Variants in DGKB observed in about 807,000 individuals in gnomAD.
DGKB encodes 90 kDa diacylglycerol kinase.
Under a neutral mutation model 114.3 loss-of-function variants are expected in DGKB, and 67 were observed. The observed-to-expected ratio is 0.59, with a 90% CI of 0.48 to 0.72. DGKB has a LOEUF of 0.72. Ranked by LOEUF, DGKB falls within the 30% of genes least tolerant of loss-of-function variation. The pLI is 0.00. For missense variants in DGKB, 907 were observed against 975.2 expected, an observed-to-expected ratio of 0.93 and a Z score of 0.93; for synonymous variants, 398 against 323.1, an observed-to-expected ratio of 1.23 and a Z score of -2.49.
chr7:14,376,057 C>A (rs1444174264), intron 21 of DGKB, among the ~76,000 whole-genome samples: 1 of 152,148 alleles, frequency 6.6e-6, no homozygotes, highest in Non-Finnish European at 1.5e-5. Flanking sequence ...AGGGTACATA[C>A]AGATAATCCA....
intron 23 of DGKB, among the ~76,000 whole-genome samples, chr7:14,182,057 T>C (rs1289816869): frequency 6.6e-6 from 1 of 152,166 alleles, no homozygotes; most frequent in African/African-American, 2.4e-5. Context: ...AAGCATTTCT[T>C]TCAAATATAA....
Position 14,580,930 on chromosome 7 carries a change from T to G in DGKB, c.1541A>C (p.His514Pro), listed in dbSNP as rs779596201. ...DCIEKANVGK[H>P]PPVAILPLGT... is the part of the protein sequence containing the mutation. ...AAGAGGCAGAATCGCAACTGGAGGATGCTTGCCTACATTGGCCTTTTCTGC... is the reference window on the plus strand; with the variant it reads ...AAGAGGCAGAATCGCAACTGGAGGAGGCTTGCCTACATTGGCCTTTTCTGC... The change falls in exon 19 of 26, where the codon CAT becomes CCT. Residue 514 changes from histidine to proline, a missense_variant. Around this residue, in one of 3 missense-constraint regions of DGKB, gnomAD observed 814 missense variants for 856.6 expected, o/e 0.95. Coordinates refer to ENST00000402815, the MANE Select transcript of DGKB (RefSeq NM_001350709.2). 2 of 1,603,602 alleles carry G rather than the reference T, an allele frequency of 1.2e-6. No homozygotes were observed. Among genetic ancestry groups the G allele is most frequent in the South Asian group, 2.2e-5 (2 of 89,592 alleles).
rs768273374 is a variant in DGKB, at chr7:14,621,617, A to C, written c.1168-123T>G. On this transcript the variant is annotated intron_variant, in intron 14 of 25. Coordinates refer to ENST00000402815, the MANE Select transcript of DGKB (RefSeq NM_001350709.2). ...ACACAGGCTCAACTTTCTAATTTGA[A>C]GTTCCTAGTGAATAATATGAAAGCT... 1.1e-5 allele frequency: 7 copies of C among 611,304 alleles called. No individual in the cohort carries two copies. The Admixed American group carries it at 1.2e-4, about 10-fold the overall frequency. 37.9% of individuals were successfully genotyped at this position (611,304 alleles called of 1,614,324 possible).
chr7:14,841,105 A>T, intron 2 of DGKB, 89 bp downstream of exon 2: 3 of 1,198,856 alleles, frequency 2.5e-6, no homozygotes, highest in Non-Finnish European at 3.5e-6. Context: ...CCCATGAAGA[A>T]CAGGATCTAT....
intron 23 of DGKB, among the ~76,000 whole-genome samples, chr7:14,310,264 C>T (rs534412985): frequency 1.3e-5 from 2 of 152,258 alleles, no homozygotes; most frequent in African/African-American, 4.8e-5. Context: ...TCAGTGGTAA[C>T]TGTCTTCTGA....
chr7:14,419,561 G>A (rs987643526), intron 21 of DGKB, among the ~76,000 whole-genome samples: 7 of 151,350 alleles, frequency 4.6e-5, no homozygotes, highest in Non-Finnish European at 7.4e-5. Flanking sequence ...TTTGGTGATC[G>A]TTACCAGCTT....
At chr7:14,613,291 T>C in intron 16 of DGKB, 49 bp downstream of exon 16, 1 of 1,139,964 alleles carries the variant, frequency 8.8e-7, no homozygotes, top group South Asian at 1.5e-5. Flanking sequence ...TTTTGTCTAT[T>C]TTTTTACATA....
At chr7:14,691,783 G>T (rs1408614612) in intron 9 of DGKB, among the ~76,000 whole-genome samples, 1 of 151,360 alleles carries the variant, frequency 6.6e-6, no homozygotes, top group African/African-American at 2.4e-5. Flanking sequence ...GATTTAAGGT[G>T]GTCTCTTGAG....
intron 1 of DGKB, among the ~76,000 whole-genome samples, chr7:14,961,918 T>A (rs1260871470): frequency 6.6e-6 from 1 of 152,080 alleles, no homozygotes; most frequent in East Asian, 1.9e-4. Context: ...GCAGAAATGA[T>A]CTACTAGTAA....
intron 20 of DGKB, among the ~76,000 whole-genome samples, chr7:14,487,198 C>T (rs1783946924): frequency 6.6e-6 from 1 of 152,184 alleles, no homozygotes; most frequent in African/African-American, 2.4e-5. Flanking sequence ...CCACATTAGA[C>T]TGTTAACATT....
intron 13 of DGKB, among the ~76,000 whole-genome samples, chr7:14,647,680 C>T (rs936143243): frequency 1.2e-4 from 19 of 152,142 alleles, no homozygotes; most frequent in African/African-American, 4.6e-4. Flanking sequence ...TCTACAGCTC[C>T]CAGCATGAAC....
intron 13 of DGKB, among the ~76,000 whole-genome samples, chr7:14,639,035 T>A (rs1811254551): frequency 6.6e-6 from 1 of 151,258 alleles, no homozygotes; most frequent in African/African-American, 2.4e-5. Flanking sequence ...TGAAACTCCA[T>A]CTCAAAAATA....
chr7:14,741,105 C>A lies in DGKB; in HGVS notation c.169-4911G>T, dbSNP rs6461125. ...GTCCTCTCTTCACAGATGGTTAATCCTGTCTCCATACTACAGGACACTCCT... is the reference window on the plus strand; with the variant it reads ...GTCCTCTCTTCACAGATGGTTAATCATGTCTCCATACTACAGGACACTCCT... On this transcript the variant is annotated intron_variant, in intron 4 of 25. Transcript: ENST00000402815. Among the ~76,000 whole-genome samples, 12 of 151,962 alleles carry A rather than the reference C, an allele frequency of 7.9e-5. 1 individual carries two copies. The highest frequency in any genetic ancestry group is 2.4e-5 in the African/African-American group (1 of 41,334).
At chr7:14,827,714 G>A (rs763495851) in intron 2 of DGKB, among the ~76,000 whole-genome samples, 1 of 151,986 alleles carries the variant, frequency 6.6e-6, no homozygotes, top group African/African-American at 2.4e-5. Flanking sequence ...AAAGACTTAT[G>A]GGGGGTATGG....
At chr7:14,863,151 C>T (rs1202190911) in intron 1 of DGKB, among the ~76,000 whole-genome samples, 1 of 151,298 alleles carries the variant, frequency 6.6e-6, no homozygotes, top group African/African-American at 2.4e-5. Flanking sequence ...ATTGTATCCC[C>T]TTAAATTTTA....
intron 13 of DGKB, among the ~76,000 whole-genome samples, chr7:14,661,997 A>C (rs4599702): frequency 2.4e-3 from 362 of 151,872 alleles, no homozygotes; most frequent in African/African-American, 7.6e-3. Context: ...TAGGTGGGAA[A>C]TGAACAATGA....
intron 21 of DGKB, among the ~76,000 whole-genome samples, chr7:14,474,088 G>A (rs1781814589): frequency 6.6e-6 from 1 of 152,178 alleles, no homozygotes; most frequent in South Asian, 2.1e-4. Flanking sequence ...AGATTTGGGA[G>A]GGGCCATGGG....
At chr7:14,614,469 C>CT (rs1161640001) in intron 15 of DGKB, among the ~76,000 whole-genome samples, 2 of 152,062 alleles carry the variant, frequency 1.3e-5, no homozygotes, top group Non-Finnish European at 2.9e-5. Context: ...GATCAATCTG[C>CT]TTTTTTGAAA....
intron 1 of DGKB, among the ~76,000 whole-genome samples, chr7:14,962,313 CA>C: frequency 6.6e-6 from 1 of 152,184 alleles, no homozygotes; most frequent in East Asian, 1.9e-4. Flanking sequence ...TTTACTTCAG[CA>C]ACAGAATTTT....
Sources: allele counts gnomAD v4.1 joint callset (sites outside exome capture counted in the v4.1 genomes callset), GRCh38; gene constraint gnomAD v4.1.1; regional missense constraint gnomAD v4.1.1; transcripts MANE v1.5; gene names NCBI Gene and HGNC (gene_info 2026-07-23, HGNC 2026-07-21).